Variants in CNTNAP2 observed in about 807,000 individuals in gnomAD.
CNTNAP2 encodes the protein contactin-associated protein-like 2.
A neutral mutation model predicts 155.2 loss-of-function variants in CNTNAP2; 98 were observed. The observed-to-expected ratio is 0.63, with a 90% confidence interval of 0.54 to 0.75. CNTNAP2 has a LOEUF of 0.75. Ranked by LOEUF, CNTNAP2 falls within the 30% of genes least tolerant of loss-of-function variation. CNTNAP2 has a pLI of 0.00. For synonymous variants in CNTNAP2, 651 were observed against 631.2 expected, an observed-to-expected ratio of 1.03 and a Z score of -0.47; for missense variants, 1,727 against 1,688.1, an observed-to-expected ratio of 1.02 and a Z score of -0.40.
At chr7:147,292,090 G>A (rs1805325821) in intron 8 of CNTNAP2, among the ~76,000 whole-genome samples, 3 of 152,018 alleles carry the variant, frequency 2.0e-5, no homozygotes, top group Admixed American at 6.6e-5. Context: ...TTTTAAATTT[G>A]ATGGATCTCA....
At chr7:147,355,999 G>T (rs73158317) in intron 9 of CNTNAP2, among the ~76,000 whole-genome samples, 18 of 151,986 alleles carry the variant, frequency 1.2e-4, no homozygotes, top group Non-Finnish European at 1.9e-4. Context: ...AAATTTCAGG[G>T]CAATAACCCT....
In CNTNAP2 at chr7:146,511,977, A is replaced by G. The variant is rs1274161904; in HGVS notation, c.98-262294A>G. On this transcript the variant is annotated intron_variant, in intron 1 of 23. Transcript: ENST00000361727. ...CAATATTGGTCTGTTCAGATGTTCT[A>G]TTTCCTCATATTTCAATCTTGGTAA... Among the ~76,000 whole-genome samples, 6 of 151,912 alleles carry G rather than the reference A, an allele frequency of 3.9e-5. No individual in the cohort carries two copies. The East Asian group carries it at 1.2e-3, about 29-fold the overall frequency.
chr7:147,131,114 A>G (rs1801346222), intron 7 of CNTNAP2, among the ~76,000 whole-genome samples: 1 of 148,892 alleles, frequency 6.7e-6, no homozygotes, highest in African/African-American at 2.5e-5. Flanking sequence ...ACATATATAT[A>G]CCATATACAT....
chr7:147,257,067 A>C (rs1459953362), intron 8 of CNTNAP2, among the ~76,000 whole-genome samples: 1 of 152,232 alleles, frequency 6.6e-6, no homozygotes, highest in Non-Finnish European at 1.5e-5. Context: ...GGTTTTTGAC[A>C]AAACGCTTGG....
intron 1 of CNTNAP2, among the ~76,000 whole-genome samples, chr7:146,370,862 A>G (rs577239488): frequency 6.6e-6 from 1 of 152,276 alleles, no homozygotes; most frequent in South Asian, 2.1e-4. Context: ...GCCCATTTTT[A>G]TATGTACCTT....
intron 4 of CNTNAP2, among the ~76,000 whole-genome samples, chr7:147,098,107 C>G (rs950596322): frequency 2.0e-5 from 3 of 152,134 alleles, no homozygotes; most frequent in African/African-American, 7.2e-5. Context: ...AACATCAGCT[C>G]GTTTGAGGCT....
chr7:147,863,218 A>C (rs1799166657), intron 13 of CNTNAP2, among the ~76,000 whole-genome samples: 1 of 152,198 alleles, frequency 6.6e-6, no homozygotes, highest in South Asian at 2.1e-4. Context: ...GCTGAGAATG[A>C]TGGTTTCCAG....
intron 1 of CNTNAP2, among the ~76,000 whole-genome samples, chr7:146,626,564 G>A (rs1799422706): frequency 6.6e-6 from 1 of 152,058 alleles, no homozygotes; most frequent in African/African-American, 2.4e-5. Flanking sequence ...CTGGTAGTGA[G>A]CATATGATTG....
intron 20 of CNTNAP2, among the ~76,000 whole-genome samples, chr7:148,263,635 G>A (rs1314056589): frequency 6.6e-6 from 1 of 151,856 alleles, no homozygotes; most frequent in African/African-American, 2.4e-5. Flanking sequence ...TACTAGGGAG[G>A]CTGAGGCAGG....
At chr7:147,599,423 C>T (rs1472418760) in intron 12 of CNTNAP2, among the ~76,000 whole-genome samples, 2 of 141,978 alleles carry the variant, frequency 1.4e-5, no homozygotes, top group South Asian at 2.3e-4. Context: ...GTGGAGGTTG[C>T]GGTAAGCCAA....
At chr7:147,660,693 A>G (rs1253260146) in intron 13 of CNTNAP2, among the ~76,000 whole-genome samples, 1 of 152,196 alleles carries the variant, frequency 6.6e-6, no homozygotes, top group Non-Finnish European at 1.5e-5. Flanking sequence ...AACTTCTATG[A>G]GAGGTTAAAA....
chr7:147,084,668 A>G (rs1800233063), intron 4 of CNTNAP2, among the ~76,000 whole-genome samples: 1 of 147,462 alleles, frequency 6.8e-6, no homozygotes, highest in Admixed American at 6.8e-5. Context: ...TATATAATAT[A>G]TAGCATATAT....
intron 9 of CNTNAP2, among the ~76,000 whole-genome samples, chr7:147,346,429 C>G (rs969619991): frequency 1.3e-5 from 2 of 152,092 alleles, no homozygotes; most frequent in African/African-American, 2.4e-5. Context: ...GCTGGGATTA[C>G]AGGCGTGAGC....
At chr7:148,355,283 G>A (rs1161839061) in intron 21 of CNTNAP2, among the ~76,000 whole-genome samples, 3 of 141,244 alleles carry the variant, frequency 2.1e-5, no homozygotes, top group Non-Finnish European at 3.0e-5. Flanking sequence ...CCAGGTTCAC[G>A]CCATTCTCCT....
chr7:146,557,738 A>G (rs1050028639), intron 1 of CNTNAP2, among the ~76,000 whole-genome samples: 1 of 152,178 alleles, frequency 6.6e-6, no homozygotes, highest in Admixed American at 6.5e-5. Context: ...CTAATTAGGC[A>G]AACCAGAATA....
chr7:146,684,180 C>T (rs1268905056), intron 1 of CNTNAP2, among the ~76,000 whole-genome samples: 2 of 152,050 alleles, frequency 1.3e-5, no homozygotes, highest in African/African-American at 2.4e-5. Flanking sequence ...GACCTGTTGC[C>T]CCATGATTTT....
intron 1 of CNTNAP2, among the ~76,000 whole-genome samples, chr7:146,171,283 G>A (rs1771924172): frequency 1.3e-5 from 2 of 152,036 alleles, no homozygotes; most frequent in Admixed American, 1.3e-4. Context: ...ATATTTTATA[G>A]TATAGTTAGG....
intron 14 of CNTNAP2, among the ~76,000 whole-genome samples, chr7:147,907,984 G>C (rs1397807621): frequency 6.6e-6 from 1 of 151,542 alleles, no homozygotes; most frequent in African/African-American, 2.4e-5. Flanking sequence ...CACCAGGCTG[G>C]CCTTGAACTC....
At chr7:147,879,814 A>G (rs1008292824) in intron 13 of CNTNAP2, among the ~76,000 whole-genome samples, 2 of 152,218 alleles carry the variant, frequency 1.3e-5, no homozygotes, top group Non-Finnish European at 2.9e-5. Flanking sequence ...TGTGGTGGCC[A>G]TGAAATAGGA....
Sources: allele counts gnomAD v4.1 joint callset (sites outside exome capture counted in the v4.1 genomes callset), GRCh38; gene constraint gnomAD v4.1.1; transcripts MANE v1.5; gene names NCBI Gene and HGNC (gene_info 2026-07-23, HGNC 2026-07-21).